Variants in SLIT2 observed in about 807,000 individuals in gnomAD.
SLIT2 encodes the protein slit guidance ligand 2.
A neutral mutation model predicts 185.7 loss-of-function variants in SLIT2; 41 were observed. The ratio of observed to expected loss-of-function variants is 0.22; its 90% CI spans 0.17 to 0.29. The LOEUF (loss-of-function observed/expected upper bound fraction) is 0.29. Ranked by LOEUF, SLIT2 falls within the 10% of genes least tolerant of loss-of-function variation. The probability of loss-of-function intolerance (pLI) is 1.00; values close to 1 mark genes in which losing one functional copy is unlikely to be tolerated. For synonymous variants in SLIT2, 693 were observed against 680.2 expected, an observed-to-expected ratio of 1.02 and a Z score of -0.29; for missense variants, 1,571 against 1,909.0, an observed-to-expected ratio of 0.82 and a Z score of 3.30.
At chr4:20,474,781 G>C (rs1421762968) in intron 5 of SLIT2, among the ~76,000 whole-genome samples, 1 of 151,828 alleles carries the variant, frequency 6.6e-6, no homozygotes, top group African/African-American at 2.4e-5. Context: ...TTTTAACAAG[G>C]TTGCCAGATT....
rs147955300 is a variant in SLIT2, at chr4:20,462,016, TG to T, written c.396-5734del. On this transcript the variant is annotated intron_variant, in intron 4 of 36. Coordinates refer to ENST00000504154, the MANE Select transcript of SLIT2 (RefSeq NM_004787.4). ...TGCTGGGGTGGTTTTGGGAATGAAT[TG>T]GATATAGTAGAAGGGGGAGGGTCTA... is the stretch of plus-strand genomic sequence containing the variant. 3.2e-3 allele frequency among the ~76,000 whole-genome samples: 484 copies of T among 152,138 alleles called. 3 individuals carry two copies. Among genetic ancestry groups the T allele is most frequent in the African/African-American group, 0.011 (469 of 41,496 alleles).
At position 20,255,000 on chromosome 4, in the gene SLIT2, C is replaced by G. The variant is rs1276292964; in HGVS notation, c.179+1006C>G. On this transcript the variant is annotated intron_variant, in intron 1 of 36. Transcript: ENST00000504154. The surrounding 1 kb of genome is among the most constrained non-coding windows in gnomAD (Gnocchi z 5.1). ...CTCCTGATGAGGCGCTTCCAGAGTT[C>G]AGCGAAGTGGAGCATGGAGGCCGTT... 1.1e-5 allele frequency: 5 copies of G among 456,218 alleles called. No homozygotes were observed. Among genetic ancestry groups the G allele is most frequent in the African/African-American group, 1.0e-4 (5 of 50,108 alleles). 28.3% of individuals were successfully genotyped at this position (456,218 alleles called of 1,614,324 possible). A position where few individuals can be genotyped will look rare whatever the true frequency, so the allele number is the denominator to read the frequency against.
intron 26 of SLIT2, among the ~76,000 whole-genome samples, chr4:20,565,432 A>G (rs1725014911): frequency 6.6e-6 from 1 of 151,948 alleles, no homozygotes; most frequent in Admixed American, 6.6e-5. Flanking sequence ...ACTTTAGCAA[A>G]CTCAAAACCA....
At chr4:20,419,072 A>G (rs1318426546) in intron 4 of SLIT2, among the ~76,000 whole-genome samples, 1 of 152,186 alleles carries the variant, frequency 6.6e-6, no homozygotes, top group Non-Finnish European at 1.5e-5. Flanking sequence ...GTGACTCACA[A>G]TGTTGCTCCA....
intron 33 of SLIT2, among the ~76,000 whole-genome samples, chr4:20,600,948 A>C (rs1291359996): frequency 1.3e-5 from 2 of 151,506 alleles, no homozygotes; most frequent in African/African-American, 4.8e-5. Context: ...TATTGAGAAA[A>C]TAATATAAGA....
At chr4:20,539,790 G>A (rs1264196985) in intron 19 of SLIT2, among the ~76,000 whole-genome samples, 1 of 152,010 alleles carries the variant, frequency 6.6e-6, no homozygotes, top group Non-Finnish European at 1.5e-5. Context: ...AAAAATTATA[G>A]TATTGTTCAG....
rs1560172022 is a variant in SLIT2 at position 20,533,640 on chromosome 4, A to T, written c.1757A>T (p.Glu586Val). Reference protein sequence around the residue: ...GAFEGASGVNEILLTSNRLEN... With the variant: ...GAFEGASGVNVILLTSNRLEN... ...TTTGAAGGAGCATCTGGTGTAAATG[A>T]AATACTTCTTACGAGTAATCGTTTG... Residue 586 changes from glutamate to valine, a missense_variant, in exon 18 of 37, where the codon GAA (glutamate) becomes GTA (valine). Glu to Val is a moderately radical substitution (Grantham distance 121). Coordinates refer to ENST00000504154, the MANE Select transcript of SLIT2 (RefSeq NM_004787.4). 1 of 1,612,388 alleles carries T rather than the reference A, an allele frequency of 6.2e-7. No individual in the cohort carries two copies. The highest frequency in any genetic ancestry group is 8.5e-7 in the Non-Finnish European group (1 of 1,178,340).
rs2148849663 is a variant in SLIT2 at position 20,524,151 on chromosome 4, T to C, written c.1412T>C (p.Ile471Thr). The C allele has an allele frequency of 6.2e-7, 1 of 1,614,060 alleles. No homozygotes were observed. The highest frequency in any genetic ancestry group is 2.2e-5 in the East Asian group (1 of 44,862). The change falls in exon 14 of 37, where the codon ATC (isoleucine) becomes ACC (threonine). Residue 471 changes from isoleucine to threonine, a missense_variant. Physicochemically the swap from Ile to Thr is moderately conservative, Grantham distance 89. Coordinates refer to ENST00000504154, the MANE Select transcript of SLIT2 (RefSeq NM_004787.4). ...CTGGCAAACAAAAGAATTGGACAGA[T>C]CAAAAGCAAGAAATTCCGTTGTTCA... is the stretch of plus-strand genomic sequence containing the variant. ...RRLANKRIGQIKSKKFRCSAK... is the reference protein window; with the variant it reads ...RRLANKRIGQTKSKKFRCSAK...
rs372667898 is a variant in SLIT2 at position 20,273,723 on chromosome 4, C to G, written c.395+4842C>G. ...GTTTTATAAAACGAACTCCCTAGTT[C>G]TTGGATGTCAGTTTAGTCTCATAGG... On this transcript the variant is annotated intron_variant, in intron 4 of 36. Coordinates refer to ENST00000504154, the MANE Select transcript of SLIT2 (RefSeq NM_004787.4). 3.0e-4 allele frequency among the ~76,000 whole-genome samples: 46 copies of G among 152,254 alleles called. 1 individual carries two copies. The South Asian group carries it at 3.9e-3, about 13-fold the overall frequency.
intron 4 of SLIT2, among the ~76,000 whole-genome samples, chr4:20,283,094 TTGCCTGTG>T (rs1714932386): frequency 6.8e-6 from 1 of 146,506 alleles, no homozygotes; most frequent in Non-Finnish European, 1.5e-5. Flanking sequence ...TATGTGTGTG[TTGCCTGTG>T]TGCCTGTGTG....
At chr4:20,533,252 A>G (rs1422637241) in intron 17 of SLIT2, 2 of 207,234 alleles carry the variant, frequency 9.7e-6, no homozygotes, top group Non-Finnish European at 1.9e-5. Context: ...CTTTTTTTGA[A>G]AAGTTTCTTG....
chr4:20,567,233 G>T (rs754533519), intron 26 of SLIT2, 29 bp from the exon 27 acceptor site: 60 of 1,586,144 alleles, frequency 3.8e-5, no homozygotes, highest in Middle Eastern at 3.4e-4. Context: ...AAGAGCGTCA[G>T]TTGCTTATAT....
intron 5 of SLIT2, among the ~76,000 whole-genome samples, chr4:20,479,015 G>A (rs555859172): frequency 3.9e-5 from 6 of 152,156 alleles, no homozygotes; most frequent in African/African-American, 1.4e-4. Context: ...AAATTATTTA[G>A]GCTATTATAA....
At chr4:20,533,759 G>A (rs765134775) in intron 18 of SLIT2, 44 bp downstream of exon 18, 2 of 1,567,054 alleles carry the variant, frequency 1.3e-6, no homozygotes, top group Non-Finnish European at 1.7e-6. Flanking sequence ...CCAAAGGATT[G>A]CAGCTCATTG....
chr4:20,321,338 CTT>C lies in SLIT2; in HGVS notation c.395+52458_395+52459del, dbSNP rs1321884428. ...ACTATCTTTCGTATTTGCCACTTCT[CTT>C]GTTTCCTCTGTGGCTGGCCCTCACT... On this transcript the variant is annotated intron_variant, in intron 4 of 36. Transcript: ENST00000504154. Among the ~76,000 whole-genome samples the C allele has an allele frequency of 4.6e-5, 7 of 152,318 alleles. No individual in the cohort carries two copies. The East Asian group carries it at 1.4e-3, about 29-fold the overall frequency.
intron 4 of SLIT2, among the ~76,000 whole-genome samples, chr4:20,460,741 C>G (rs545642091): frequency 1.3e-5 from 2 of 152,238 alleles, no homozygotes; most frequent in South Asian, 2.1e-4. Flanking sequence ...TTTTTAGAAC[C>G]TGGAGGACAT....
intron 29 of SLIT2, among the ~76,000 whole-genome samples, chr4:20,575,472 T>A (rs1287948144): frequency 6.6e-6 from 1 of 152,208 alleles, no homozygotes; most frequent in Non-Finnish European, 1.5e-5. Flanking sequence ...AAAAAACTTC[T>A]ATGAAACAAC....
chr4:20,302,197 A>G (rs559273749), intron 4 of SLIT2, among the ~76,000 whole-genome samples: 2 of 152,318 alleles, frequency 1.3e-5, no homozygotes, highest in African/African-American at 4.8e-5. Flanking sequence ...ATTCTTTTAT[A>G]TCATGGAATT....
chr4:20,531,637 A>T (rs141275550), intron 16 of SLIT2, among the ~76,000 whole-genome samples: 136 of 152,252 alleles, frequency 8.9e-4, no homozygotes, highest in African/African-American at 3.1e-3. Context: ...TTTTGTTCCA[A>T]TTGTGAAGCA....
Sources: allele counts gnomAD v4.1 joint callset (sites outside exome capture counted in the v4.1 genomes callset), GRCh38; gene constraint gnomAD v4.1.1; non-coding constraint Gnocchi (gnomAD v3.1); transcripts MANE v1.5; gene names NCBI Gene and HGNC (gene_info 2026-07-23, HGNC 2026-07-21).